Variants in ANKRD6 observed in about 807,000 individuals in gnomAD.
ANKRD6 encodes the protein ankyrin repeat domain-containing protein 6.
In ANKRD6, 56 loss-of-function variants were observed where a neutral mutation model predicts 82.3. The ratio of observed to expected loss-of-function variants is 0.68; its 90% CI spans 0.55 to 0.85. The LOEUF (loss-of-function observed/expected upper bound fraction) is 0.85, where lower values mean the gene tolerates loss of function less well. Among genes scored for constraint, ANKRD6 ranks in the 40% least tolerant of loss-of-function variants. ANKRD6 has a pLI of 0.00. For missense variants in ANKRD6, 852 were observed against 907.6 expected, an observed-to-expected ratio of 0.94 and a Z score of 0.79; for synonymous variants, 347 against 352.1, an observed-to-expected ratio of 0.99 and a Z score of 0.16.
chr6:89,520,735 A>G (rs1292930576), intron 1 of ANKRD6, among the ~76,000 whole-genome samples: 1 of 152,212 alleles, frequency 6.6e-6, no homozygotes, highest in Non-Finnish European at 1.5e-5. Flanking sequence ...TTTAATTATG[A>G]TAGTAGTTGC....
chr6:89,549,189 A>G (rs959472688), intron 1 of ANKRD6, among the ~76,000 whole-genome samples: 1 of 152,090 alleles, frequency 6.6e-6, no homozygotes, highest in African/African-American at 2.4e-5. Flanking sequence ...CTGCCTGGGT[A>G]ACAGAGTGAG....
intron 1 of ANKRD6, among the ~76,000 whole-genome samples, chr6:89,468,550 T>A (rs1775096344): frequency 6.7e-6 from 1 of 149,502 alleles, no homozygotes; most frequent in South Asian, 2.1e-4. Context: ...AGAAGAATTG[T>A]CTTGGGCCAC....
intron 2 of ANKRD6, among the ~76,000 whole-genome samples, chr6:89,592,045 G>A (rs1795017560): frequency 6.6e-6 from 1 of 152,206 alleles, no homozygotes; most frequent in African/African-American, 2.4e-5. Context: ...TGTTCTTGGT[G>A]AAGAATGCCC....
At chr6:89,506,340 A>G (rs1779853645) in intron 1 of ANKRD6, among the ~76,000 whole-genome samples, 2 of 152,036 alleles carry the variant, frequency 1.3e-5, no homozygotes, top group East Asian at 1.9e-4. Context: ...ATTTTTTGAG[A>G]TGGAGTTTCT....
intron 1 of ANKRD6, among the ~76,000 whole-genome samples, chr6:89,539,381 T>C (rs903706044): frequency 6.6e-6 from 1 of 152,170 alleles, no homozygotes. Context: ...CCAAGTAGTG[T>C]TGTCCTTAAC....
At chr6:89,610,696 A>G (rs1441969385) in intron 5 of ANKRD6, among the ~76,000 whole-genome samples, 3 of 152,118 alleles carry the variant, frequency 2.0e-5, no homozygotes, top group Non-Finnish European at 4.4e-5. Flanking sequence ...AAACCTGGGC[A>G]GACCCCTTGT....
At chr6:89,476,330 C>T (rs1017136510) in intron 1 of ANKRD6, among the ~76,000 whole-genome samples, 5 of 152,058 alleles carry the variant, frequency 3.3e-5, no homozygotes, top group Non-Finnish European at 5.9e-5. Context: ...GGATTATAGG[C>T]GTGCACCACC....
intron 1 of ANKRD6, chr6:89,483,556 C>T (rs1659902181): frequency 6.6e-6 from 1 of 152,174 alleles, no homozygotes; most frequent in African/African-American, 2.4e-5. Flanking sequence ...GAGGGAAGTC[C>T]CCGTAAGTAT....
chr6:89,605,675 T>C (rs1047157869), intron 4 of ANKRD6, among the ~76,000 whole-genome samples: 46 of 152,294 alleles, frequency 3.0e-4, no homozygotes, highest in African/African-American at 1.1e-3. Flanking sequence ...ATGCTTTCTG[T>C]TAAACGAGAG....
intron 2 of ANKRD6, among the ~76,000 whole-genome samples, chr6:89,589,016 AAAG>A (rs1184394060): frequency 1.3e-5 from 2 of 151,618 alleles, no homozygotes; most frequent in East Asian, 3.9e-4. Flanking sequence ...AAAAAAAAAA[AAAG>A]GTGTTCCAGG....
chr6:89,484,252 T>G (rs992362166), intron 1 of ANKRD6, among the ~76,000 whole-genome samples: 2 of 152,202 alleles, frequency 1.3e-5, no homozygotes, highest in Non-Finnish European at 2.9e-5. Context: ...CCTCTGAAAC[T>G]TCAGTGTCCT....
chr6:89,515,803 G>A (rs926148974), intron 1 of ANKRD6, among the ~76,000 whole-genome samples: 1 of 152,222 alleles, frequency 6.6e-6, no homozygotes, highest in Non-Finnish European at 1.5e-5. Context: ...TGGAGAGAAG[G>A]TGCCTCTCCT....
intron 12 of ANKRD6, 154 bp from the exon 13 acceptor site, chr6:89,624,385 G>T: frequency 1.0e-6 from 1 of 970,684 alleles, no homozygotes; most frequent in Non-Finnish European, 1.5e-6. Flanking sequence ...CCCAAAATTT[G>T]GCCTATAAGA....
intron 2 of ANKRD6, among the ~76,000 whole-genome samples, chr6:89,586,890 C>T (rs187450570): frequency 1.3e-5 from 2 of 152,158 alleles, no homozygotes; most frequent in East Asian, 3.9e-4. Flanking sequence ...TACTGAGTTA[C>T]CTCAAAAGGA....
chr6:89,601,824 G>A (rs1335968121), intron 3 of ANKRD6: 2 of 152,116 alleles, frequency 1.3e-5, no homozygotes, highest in Non-Finnish European at 1.5e-5. Context: ...TCAGTATTTC[G>A]TTAAGGTTGT....
intron 4 of ANKRD6, among the ~76,000 whole-genome samples, 193 bp downstream of exon 4, chr6:89,603,320 A>AT (rs1229759944): frequency 0.058 from 6,646 of 114,630 alleles, 105 homozygotes; most frequent in African/African-American, 0.089. Flanking sequence ...GCCAATTGTA[A>AT]TTTTTTTTTT....
chr6:89,629,115 T>C lies in ANKRD6; in HGVS notation c.1489T>C (p.Ser497Pro). Reference protein sequence around the residue: ...EKHEGEKRQISLVDELKTWCM... With the variant: ...EKHEGEKRQIPLVDELKTWCM... Reference sequence around the variant, plus strand: ...GGGGTTTGTTTTTTTTTTTAAGATATCCTTGGTGGATGAATTAAAAACCTG... The same window carrying C: ...GGGGTTTGTTTTTTTTTTTAAGATACCCTTGGTGGATGAATTAAAAACCTG... The change falls in exon 15 of 16, where the codon TCC (serine) becomes CCC (proline). Residue 497 changes from serine to proline, a missense_variant. By Grantham distance (74) the Ser-to-Pro change is moderately conservative (BLOSUM62 -1). Transcript: ENST00000339746. 6.2e-7 allele frequency: 1 copy of C among 1,612,162 alleles called. No homozygotes were observed. Among genetic ancestry groups the C allele is most frequent in the Non-Finnish European group, 8.5e-7 (1 of 1,179,176 alleles).
At chr6:89,616,088 C>T (rs1489758098) in intron 7 of ANKRD6, among the ~76,000 whole-genome samples, 2 of 152,232 alleles carry the variant, frequency 1.3e-5, no homozygotes, top group African/African-American at 4.8e-5. Flanking sequence ...GGCCTGTCAC[C>T]TCTCCGGTGC....
At chr6:89,456,943 G>A (rs943585864) in intron 1 of ANKRD6, among the ~76,000 whole-genome samples, 1 of 152,174 alleles carries the variant, frequency 6.6e-6, no homozygotes, top group South Asian at 2.1e-4. Flanking sequence ...TAATTAGAAA[G>A]TGACCTGGCT....
Sources: gnomAD v4.1 joint callset for allele counts (sites outside exome capture counted in the v4.1 genomes callset) on GRCh38, gnomAD v4.1.1 for gene constraint, MANE v1.5 for transcripts, NCBI Gene and HGNC (gene_info 2026-07-23, HGNC 2026-07-21) for gene names.